Variants in NAA60 observed in about 807,000 individuals in gnomAD.
The protein encoded by NAA60 is N-alpha-acetyltransferase 60.
Under a neutral mutation model 26.1 loss-of-function variants are expected in NAA60, and 8 were observed. The ratio of observed to expected loss-of-function variants is 0.31; its 90% CI spans 0.18 to 0.55. The LOEUF is 0.55. NAA60 is among the 20% of genes least tolerant of loss of function. NAA60 has a pLI of 0.93. For synonymous variants in NAA60, 131 were observed against 122.5 expected, an observed-to-expected ratio of 1.07 and a Z score of -0.46; for missense variants, 290 against 311.3, an observed-to-expected ratio of 0.93 and a Z score of 0.51.
At chr16:3,447,008 A>T (rs922751661) in intron 1 of NAA60, among the ~76,000 whole-genome samples, 7 of 151,692 alleles carry the variant, frequency 4.6e-5, no homozygotes, top group Admixed American at 3.3e-4. Context: ...CACCTGGCGA[A>T]TTTTTGTATT....
At chr16:3,456,306 G>A (rs191471555) in intron 2 of NAA60, among the ~76,000 whole-genome samples, 55 of 152,276 alleles carry the variant, frequency 3.6e-4, no homozygotes, top group African/African-American at 1.2e-3. Flanking sequence ...AGGTGATGCC[G>A]CTGCTCCTGG....
chr16:3,445,056 A>G (rs1444716184), intron 1 of NAA60, among the ~76,000 whole-genome samples: 1 of 152,238 alleles, frequency 6.6e-6, no homozygotes, highest in Non-Finnish European at 1.5e-5. Flanking sequence ...GTGGGGATGG[A>G]TCACAAAAGA....
chr16:3,483,328 C>T, intron 5 of NAA60, 35 bp from the exon 6 acceptor site: 1 of 1,492,612 alleles, frequency 6.7e-7, no homozygotes, highest in South Asian at 1.2e-5. Context: ...TTCCTAACTG[C>T]TCTGCCTGCA....
In NAA60 at chr16:3,485,591, C is replaced by G; in HGVS notation, c.*331C>G. On this transcript the variant is annotated 3_prime_UTR_variant, in exon 8 of 8. Transcript: ENST00000407558. ...GCATTCACTGGGAGGGGCCTGCCCT[C>G]ACTGGGCCTCTCCCACTCCGCTGCC... The G allele has an allele frequency of 2.2e-6, 1 of 456,030 alleles. No homozygotes were observed. Among genetic ancestry groups the G allele is most frequent in the Non-Finnish European group, 4.4e-6 (1 of 226,612 alleles). The allele number at this position is 456,030 out of a possible 1,614,324, so 28.2% of individuals were successfully genotyped here. A position where few individuals can be genotyped will look rare whatever the true frequency, so the allele number is the denominator to read the frequency against.
Position 3,482,547 on chromosome 16 carries a change from G to A in NAA60, c.286G>A (p.Ala96Thr), listed in dbSNP as rs1452435011. 7 of 1,609,310 alleles carry A rather than the reference G, an allele frequency of 4.3e-6. No individual in the cohort carries two copies. The highest frequency in any genetic ancestry group is 2.2e-5 in the East Asian group (1 of 44,714). ...CAACTTCTCTGTTGACACACAAGTC[G>A]CGTACATCCTAAGTCTGGGCGTCGT... ...ASNFSVDTQV[A>T]YILSLGVVKE... Residue 96 changes from alanine (A) to threonine (T), a missense_variant, in exon 5 of 8, where the codon GCG (alanine) becomes ACG (threonine). By Grantham distance (58) the Ala-to-Thr change is moderately conservative (BLOSUM62 0). Transcript: ENST00000407558.
chr16:3,447,954 A>C (rs2034620837), intron 1 of NAA60, among the ~76,000 whole-genome samples: 1 of 152,180 alleles, frequency 6.6e-6, no homozygotes, highest in Admixed American at 6.5e-5. Context: ...CTCCCAACAG[A>C]ATTCTTTTTC....
At chr16:3,484,618 G>C in intron 6 of NAA60, 81 bp from the exon 7 acceptor site, 1 of 1,519,338 alleles carries the variant, frequency 6.6e-7, no homozygotes, top group Non-Finnish European at 8.9e-7. Context: ...CAGTCCCACA[G>C]GCCACTGCGC....
chr16:3,484,578 G>A, intron 6 of NAA60, 121 bp from the exon 7 acceptor site: 2 of 1,330,256 alleles, frequency 1.5e-6, no homozygotes, highest in South Asian at 1.4e-5. Context: ...CGGGCTCTCA[G>A]CCTCCGAAGC....
At chr16:3,453,948 T>C (rs1194946696) in intron 2 of NAA60, among the ~76,000 whole-genome samples, 1 of 151,950 alleles carries the variant, frequency 6.6e-6, no homozygotes, top group African/African-American at 2.4e-5. Context: ...GAGCAGGGCA[T>C]GGGTTTGTGG....
chr16:3,479,897 A>G (rs1007331423), intron 4 of NAA60, among the ~76,000 whole-genome samples: 1 of 152,240 alleles, frequency 6.6e-6, no homozygotes, highest in African/African-American at 2.4e-5. Flanking sequence ...ACAACGTGCT[A>G]TGAAAATACC....
intron 2 of NAA60, among the ~76,000 whole-genome samples, chr16:3,470,811 C>G (rs1376313900): frequency 1.3e-5 from 2 of 152,234 alleles, no homozygotes; most frequent in Non-Finnish European, 2.9e-5. Context: ...CAGCCATGCT[C>G]TTTGACCCCA....
At chr16:3,459,490 A>G (rs1310131453) in intron 2 of NAA60, among the ~76,000 whole-genome samples, 5 of 152,254 alleles carry the variant, frequency 3.3e-5, no homozygotes, top group African/African-American at 1.2e-4. Context: ...AGACTGCTGT[A>G]TAAGTCCCAG....
chr16:3,447,651 G>C, intron 1 of NAA60: 2 of 985,216 alleles, frequency 2.0e-6, no homozygotes, highest in Non-Finnish European at 2.4e-6. Flanking sequence ...CCCAACTTCA[G>C]CAAGAGGTTT....
Position 3,450,975 on chromosome 16 carries a change from C to T in NAA60, c.-7+2435C>T, listed in dbSNP as rs1179133498. 3.3e-5 allele frequency among the ~76,000 whole-genome samples: 5 copies of T among 152,166 alleles called. No individual in the cohort carries two copies. In the East Asian group the frequency reaches 9.6e-4, roughly 29 times the overall value. On this transcript the variant is annotated intron_variant, in intron 2 of 7. Coordinates refer to ENST00000407558, the MANE Select transcript of NAA60 (RefSeq NM_001083601.3). The stretch of plus-strand genomic sequence containing the variant: ...ATTGTAAGTTAGAAGTCAATTAGAA[C>T]ATGCAGGAGGGATTATAACTCAGTG...
At chr16:3,479,437 T>C in intron 3 of NAA60, 34 bp from the exon 4 acceptor site, 1 of 1,609,524 alleles carries the variant, frequency 6.2e-7, no homozygotes, top group Non-Finnish European at 8.5e-7. Flanking sequence ...ACTTGACCTG[T>C]GGCAGGTTCA....
intron 2 of NAA60, among the ~76,000 whole-genome samples, chr16:3,469,472 A>G (rs2035984368): frequency 6.8e-6 from 1 of 147,920 alleles, no homozygotes; most frequent in Non-Finnish European, 1.5e-5. Flanking sequence ...AGCAGAGAGC[A>G]CCTGCCTGGC....
Position 3,483,406 on chromosome 16 carries a change from C to T in NAA60, c.381C>T (p.Thr127=), listed in dbSNP as rs190797427. The T allele has an allele frequency of 2.5e-5, 41 of 1,613,656 alleles. No individual in the cohort carries two copies. The East Asian group carries it at 4.5e-4, about 18-fold the overall frequency. ...GTTTAAAGGATCACATATCAACCAC[C>T]GCCCAGGACCACTGCAAAGCCATTT... ...LESLKDHIST[T]AQDHCKAIYL... Residue 127 remains threonine (T), a synonymous_variant, in exon 6 of 8, where the codon ACC becomes ACT. Coordinates refer to ENST00000407558, the MANE Select transcript of NAA60 (RefSeq NM_001083601.3).
intron 2 of NAA60, among the ~76,000 whole-genome samples, chr16:3,455,993 C>T (rs1340839036): frequency 1.3e-5 from 2 of 152,126 alleles, no homozygotes; most frequent in African/African-American, 4.8e-5. Flanking sequence ...GCATGAGCCA[C>T]CGCGCCCTGC....
intron 3 of NAA60, 41 bp from the exon 4 acceptor site, chr16:3,479,430 T>C: frequency 1.9e-6 from 3 of 1,606,984 alleles, no homozygotes; most frequent in Non-Finnish European, 2.6e-6. Context: ...TAGTTGGACT[T>C]GACCTGTGGC....
Sources: allele counts gnomAD v4.1 joint callset (sites outside exome capture counted in the v4.1 genomes callset), GRCh38; gene constraint gnomAD v4.1.1; transcripts MANE v1.5; gene names NCBI Gene and HGNC (gene_info 2026-07-23, HGNC 2026-07-21).